RTF2: variants seen among roughly 807,000 people sequenced by gnomAD.
RTF2 encodes replication termination factor 2, also known as UPF0549 protein C20orf43.
RTF2 carries 18 observed loss-of-function variants against 38.0 expected under a neutral mutation model. The ratio of observed to expected loss-of-function variants is 0.47; its 90% CI spans 0.33 to 0.70. The LOEUF is 0.70. RTF2 is among the 30% of genes least tolerant of loss of function. The pLI, the probability that RTF2 is intolerant of heterozygous loss-of-function variation, is 0.02. For missense variants in RTF2, 311 were observed against 379.6 expected (o/e 0.82, Z 1.50); for synonymous variants, 126 against 137.1 (o/e 0.92, Z 0.57).
At chr20:56,511,225 G>T (rs34953792) in intron 5 of RTF2, among the ~76,000 whole-genome samples, 55,389 of 151,954 alleles carry the variant, frequency 0.36, 10,891 homozygotes, top group Non-Finnish European at 0.45. Context: ...GGCCTCTTAG[G>T]AACCGGGCCA....
Position 56,513,382 on chromosome 20 carries a change from T to C in RTF2, c.545T>C (p.Leu182Pro). ...LNGTKEDVDVLKTRMEERRLR... is the reference protein window; with the variant it reads ...LNGTKEDVDVPKTRMEERRLR... ...GGCACCAAGGAGGATGTGGACGTGCTGAAGACAAGGATGGAGGAGAGAAGG... is the reference window on the plus strand; with the variant it reads ...GGCACCAAGGAGGATGTGGACGTGCCGAAGACAAGGATGGAGGAGAGAAGG... The change falls in exon 6 of 9, where the codon CTG (leucine) becomes CCG (proline). Residue 182 changes from leucine (L) to proline (P), a missense_variant. Transcript: ENST00000357348. 6.2e-7 allele frequency: 1 copy of C among 1,608,728 alleles called. No homozygotes were observed. The highest frequency in any genetic ancestry group is 8.5e-7 in the Non-Finnish European group (1 of 1,177,892).
At chr20:56,516,272 C>G (rs1286670002) in intron 6 of RTF2, 1 of 152,188 alleles carries the variant, frequency 6.6e-6, no homozygotes, top group African/African-American at 2.4e-5. Flanking sequence ...CATAGTCCTA[C>G]TTGTCATTTC....
At chr20:56,510,234 A>G (rs1446516242) in intron 5 of RTF2, among the ~76,000 whole-genome samples, 2 of 152,226 alleles carry the variant, frequency 1.3e-5, no homozygotes, top group Non-Finnish European at 2.9e-5. Context: ...ATGTTATGTA[A>G]ATGAGATTTC....
In RTF2 at chr20:56,483,913, G is replaced by A. The variant is rs575360414; in HGVS notation, c.399-198G>A. On this transcript the variant is annotated intron_variant, in intron 4 of 8. Coordinates refer to ENST00000357348, the MANE Select transcript of RTF2 (RefSeq NM_016407.5). ...TTTTGATGTTTGTGGTTTCAGTTTT[G>A]ATCTTTTTTTTATTTTGGATATAAC... Among the ~76,000 whole-genome samples the A allele has an allele frequency of 5.9e-5, 9 of 151,992 alleles. No individual in the cohort carries two copies. In the East Asian group the frequency reaches 1.7e-3, roughly 29 times the overall value.
At chr20:56,509,824 A>G (rs896990185) in intron 5 of RTF2, among the ~76,000 whole-genome samples, 1 of 152,162 alleles carries the variant, frequency 6.6e-6, no homozygotes, top group Non-Finnish European at 1.5e-5. Flanking sequence ...AATGAAAACA[A>G]CTGTCCACAA....
intron 5 of RTF2, among the ~76,000 whole-genome samples, chr20:56,503,110 A>G (rs899765879): frequency 1.3e-5 from 2 of 152,208 alleles, no homozygotes; most frequent in Admixed American, 6.5e-5. Context: ...TGCTGTCTTC[A>G]CTTGTCCTAA....
At chr20:56,512,095 C>T (rs1465282824) in intron 5 of RTF2, among the ~76,000 whole-genome samples, 1 of 152,144 alleles carries the variant, frequency 6.6e-6, no homozygotes, top group African/African-American at 2.4e-5. Context: ...GATCCGCCCA[C>T]CTCGACCTCC....
Position 56,513,324 on chromosome 20 carries a change from G to T in RTF2, c.487G>T (p.Ala163Ser). 3 of 1,599,892 alleles carry T rather than the reference G, an allele frequency of 1.9e-6. No individual in the cohort carries two copies. The highest frequency in any genetic ancestry group is 2.6e-6 in the Non-Finnish European group (3 of 1,173,728). ...KAEVCHTCGAAFQEDDVIMLN... is the reference protein window; with the variant it reads ...KAEVCHTCGASFQEDDVIMLN... Reference sequence around the variant, plus strand: ...TGTTTGCCCTCTCCAGTGTGGGGCTGCCTTCCAGGAGGATGATGTCATCAT... The same window carrying T: ...TGTTTGCCCTCTCCAGTGTGGGGCTTCCTTCCAGGAGGATGATGTCATCAT... Residue 163 changes from alanine to serine, a missense_variant, in exon 6 of 9, where the codon GCC (alanine) becomes TCC (serine). Ala to Ser is a moderately conservative substitution (Grantham distance 99, BLOSUM62 1). Coordinates refer to ENST00000357348, the MANE Select transcript of RTF2 (RefSeq NM_016407.5).
At chr20:56,499,813 T>C (rs901640801) in intron 5 of RTF2, among the ~76,000 whole-genome samples, 2 of 151,542 alleles carry the variant, frequency 1.3e-5, no homozygotes, top group African/African-American at 4.8e-5. Flanking sequence ...CTCAGCTCAC[T>C]GCAACCTCTG....
intron 4 of RTF2, among the ~76,000 whole-genome samples, chr20:56,477,798 C>T (rs1982333144): frequency 6.6e-6 from 1 of 152,328 alleles, no homozygotes; most frequent in South Asian, 2.1e-4. Flanking sequence ...AGCCACTGCA[C>T]CTGATTACAA....
chr20:56,495,035 A>G (rs1231237781), intron 5 of RTF2, among the ~76,000 whole-genome samples: 1 of 152,202 alleles, frequency 6.6e-6, no homozygotes, highest in Non-Finnish European at 1.5e-5. Context: ...AATCTTATAT[A>G]AAAAGTTTTT....
chr20:56,484,230 T>G lies in RTF2; in HGVS notation c.477+41T>G, dbSNP rs1344948857. 6 of 1,489,510 alleles carry G rather than the reference T, an allele frequency of 4.0e-6. No homozygotes were observed. The South Asian group carries it at 5.6e-5, about 14-fold the overall frequency. The allele number at this position is 1,489,510 out of a possible 1,614,324, so 92.3% of individuals were successfully genotyped here. On this transcript the variant is annotated intron_variant, in intron 5 of 8. Transcript: ENST00000357348. ...GTACCATTTGTTCCTTCTCTGTAGC[T>G]GAGGAAATCAGATGGTTTAGGGTCC...
intron 6 of RTF2, among the ~76,000 whole-genome samples, chr20:56,514,988 A>T (rs1984930918): frequency 6.6e-6 from 1 of 151,176 alleles, no homozygotes; most frequent in Admixed American, 6.6e-5. Context: ...CGGAGGTTGC[A>T]GTGAGCCGAG....
Position 56,487,391 on chromosome 20 carries a change from G to A in RTF2, c.477+3202G>A, listed in dbSNP as rs186607159. Among the ~76,000 whole-genome samples, 9 of 152,310 alleles carry A rather than the reference G, an allele frequency of 5.9e-5. No homozygotes were observed. The East Asian group carries it at 1.7e-3, about 29-fold the overall frequency. Reference sequence around the variant, plus strand: ...CAGGAGGAAAGAGGAACAGAGCCACGTCAGGATTGCACAAGGGACAGTAGA... The same window carrying A: ...CAGGAGGAAAGAGGAACAGAGCCACATCAGGATTGCACAAGGGACAGTAGA... On this transcript the variant is annotated intron_variant, in intron 5 of 8. Coordinates refer to ENST00000357348, the MANE Select transcript of RTF2 (RefSeq NM_016407.5).
chr20:56,516,150 G>A (rs138693067), intron 6 of RTF2: 185 of 152,326 alleles, frequency 1.2e-3, no homozygotes, highest in African/African-American at 4.2e-3. Flanking sequence ...GGCCTGAGAG[G>A]TCTTTCTTTA....
At chr20:56,505,108 G>A (rs1984179916) in intron 5 of RTF2, among the ~76,000 whole-genome samples, 1 of 152,128 alleles carries the variant, frequency 6.6e-6, no homozygotes. Flanking sequence ...AAAAGGTTAG[G>A]TCCTTTTATG....
chr20:56,472,746 TAAAC>T (rs1459144179), intron 1 of RTF2, among the ~76,000 whole-genome samples: 2 of 152,172 alleles, frequency 1.3e-5, no homozygotes, highest in Non-Finnish European at 2.9e-5. Context: ...GTGGCTTGCA[TAAAC>T]AGTTTAATAA....
rs1982652529 is a variant in RTF2, at chr20:56,483,993, AAT to A, written c.399-116_399-115del. On this transcript the variant is annotated intron_variant, in intron 4 of 8. Transcript: ENST00000357348. ...TCTATGAGAACGTACTGATTTTTTT[AAT>A]AGAGTAAAATGTAACTATTTTAATC... 1.1e-5 allele frequency: 8 copies of A among 711,172 alleles called. 1 individual carries two copies. In the South Asian group the frequency reaches 1.8e-4, roughly 16 times the overall value. The allele number at this position is 711,172 out of a possible 1,614,324, so 44.1% of individuals were successfully genotyped here.
chr20:56,511,512 C>T (rs984462324), intron 5 of RTF2, among the ~76,000 whole-genome samples: 2 of 152,172 alleles, frequency 1.3e-5, no homozygotes, highest in Non-Finnish European at 2.9e-5. Context: ...ATTTCCTACC[C>T]TAGTTATAAA....
Sources: allele counts gnomAD v4.1 joint callset (sites outside exome capture counted in the v4.1 genomes callset), GRCh38; gene constraint gnomAD v4.1.1; transcripts MANE v1.5; gene names NCBI Gene and HGNC (gene_info 2026-07-23, HGNC 2026-07-21).